FHIT: variants seen among roughly 807,000 people sequenced by gnomAD.
FHIT encodes the protein bis(5'-adenosyl)-triphosphatase.
In FHIT, 19 loss-of-function variants were observed where a neutral mutation model predicts 17.9. The observed-to-expected ratio is 1.06, with a 90% CI of 0.74 to 1.56. The LOEUF is 1.56. Ranked by LOEUF, FHIT falls within the 40% of genes most tolerant of loss-of-function variation. The probability of loss-of-function intolerance (pLI) is 0.00; values close to 1 mark genes in which losing one functional copy is unlikely to be tolerated. For missense variants in FHIT, 248 were observed against 189.2 expected (o/e 1.31, Z -1.82); for synonymous variants, 81 against 69.7 (o/e 1.16, Z -0.81).
chr3:60,744,258 C>CAAAAAAAAAAAAAAAAAAAAAAAAA (rs371224955), intron 4 of FHIT, among the ~76,000 whole-genome samples: 3 of 95,636 alleles, frequency 3.1e-5, no homozygotes, highest in South Asian at 3.5e-4. Context: ...AAAAAAAAAA[C>CAAAAAAAAAAAAAAAAAAAAAAAAA]AAAACAAAAC....
chr3:60,617,392 CT>C, intron 4 of FHIT: 2 of 197,102 alleles, frequency 1.0e-5, no homozygotes, highest in Admixed American at 4.5e-5. Flanking sequence ...TCCCTTGTAC[CT>C]TTTCCAATAG....
intron 5 of FHIT, among the ~76,000 whole-genome samples, chr3:60,437,555 ACATG>A (rs1014078205): frequency 6.6e-6 from 1 of 152,124 alleles, no homozygotes; most frequent in Non-Finnish European, 1.5e-5. Flanking sequence ...CTCAGAGATT[ACATG>A]CATCATCTCA....
intron 5 of FHIT, among the ~76,000 whole-genome samples, chr3:60,061,796 TATGAA>T (rs1702304738): frequency 6.6e-6 from 1 of 152,126 alleles, no homozygotes; most frequent in Admixed American, 6.6e-5. Flanking sequence ...GAATAGATCA[TATGAA>T]AGGAAAGCAG....
intron 8 of FHIT, among the ~76,000 whole-genome samples, chr3:59,886,760 T>C (rs1376975566): frequency 1.3e-5 from 2 of 152,160 alleles, no homozygotes; most frequent in Non-Finnish European, 2.9e-5. Flanking sequence ...AATTTCAACA[T>C]GAGGTTAGGA....
intron 5 of FHIT, among the ~76,000 whole-genome samples, chr3:60,434,553 C>T (rs1046355032): frequency 3.3e-5 from 5 of 152,072 alleles, no homozygotes; most frequent in Non-Finnish European, 5.9e-5. Flanking sequence ...AGTAATGTCA[C>T]ATTTCCTTGC....
At chr3:60,839,554 T>C (rs992516626) in intron 3 of FHIT, among the ~76,000 whole-genome samples, 27 of 152,206 alleles carry the variant, frequency 1.8e-4, no homozygotes, top group African/African-American at 6.0e-4. Flanking sequence ...TTTTGCATTA[T>C]TTACTAAATG....
intron 5 of FHIT, among the ~76,000 whole-genome samples, chr3:60,144,442 C>G (rs891878029): frequency 3.3e-5 from 5 of 152,140 alleles, no homozygotes; most frequent in Non-Finnish European, 7.4e-5. Context: ...TATTCTGGAG[C>G]TTGGAGAGAC....
intron 4 of FHIT, among the ~76,000 whole-genome samples, chr3:60,760,233 G>T (rs1313669360): frequency 2.0e-5 from 3 of 152,152 alleles, no homozygotes; most frequent in Admixed American, 6.5e-5. Context: ...AAGTGTTTTT[G>T]TAGGCATGTG....
chr3:60,214,060 T>C (rs1703582265), intron 5 of FHIT, among the ~76,000 whole-genome samples: 1 of 152,132 alleles, frequency 6.6e-6, no homozygotes, highest in South Asian at 2.1e-4. Flanking sequence ...AGGGTGGTCG[T>C]GACTAGCGCA....
At chr3:60,093,363 G>C (rs983978431) in intron 5 of FHIT, among the ~76,000 whole-genome samples, 1 of 152,072 alleles carries the variant, frequency 6.6e-6, no homozygotes, top group South Asian at 2.1e-4. Flanking sequence ...ACTCTGACCT[G>C]CTTTTCTGCC....
intron 4 of FHIT, among the ~76,000 whole-genome samples, chr3:60,775,548 T>C (rs1489586371): frequency 7.9e-5 from 12 of 152,190 alleles, no homozygotes; most frequent in Non-Finnish European, 2.9e-5. Context: ...CATCGGTCTG[T>C]GAACCTAAAT....
chr3:60,656,096 A>C (rs1433496665), intron 4 of FHIT, among the ~76,000 whole-genome samples: 1 of 152,174 alleles, frequency 6.6e-6, no homozygotes, highest in Non-Finnish European at 1.5e-5. Context: ...GCTTTTCTCA[A>C]GAAGCCATGT....
chr3:59,893,614 A>G (rs918732989), intron 8 of FHIT, among the ~76,000 whole-genome samples: 1 of 152,214 alleles, frequency 6.6e-6, no homozygotes, highest in African/African-American at 2.4e-5. Flanking sequence ...CTGCCTTTGT[A>G]AAAGGAAAAA....
intron 5 of FHIT, among the ~76,000 whole-genome samples, chr3:60,530,121 G>C (rs1039978123): frequency 2.0e-5 from 3 of 152,120 alleles, no homozygotes; most frequent in African/African-American, 7.2e-5. Context: ...GTAAAACATA[G>C]TATGGAAGAC....
At chr3:60,262,052 C>A (rs1321443330) in intron 5 of FHIT, among the ~76,000 whole-genome samples, 5 of 151,926 alleles carry the variant, frequency 3.3e-5, no homozygotes. Context: ...GTCTTTGGGT[C>A]TTCATTTTGG....
At position 60,282,434 on chromosome 3, in the gene FHIT, G is replaced by A. The variant is rs149641943; in HGVS notation, c.103+254426C>T. ...AATAAAGGGATTACTAGTTACCAGG[G>A]ATCCAATATAGTTTCTTAGGGCAAT... On this transcript the variant is annotated intron_variant, in intron 5 of 9. Coordinates refer to ENST00000492590, the MANE Select transcript of FHIT (RefSeq NM_002012.4). 1.1e-3 allele frequency among the ~76,000 whole-genome samples: 161 copies of A among 152,216 alleles called. 2 individuals carry two copies. Among genetic ancestry groups the A allele is most frequent in the Admixed American group, 3.7e-3 (57 of 15,292 alleles).
At chr3:59,890,577 G>A (rs145681587) in intron 8 of FHIT, among the ~76,000 whole-genome samples, 224 of 152,188 alleles carry the variant, frequency 1.5e-3, no homozygotes, top group Admixed American at 3.7e-3. Flanking sequence ...ATGGGAACCC[G>A]CTTAACTATT....
intron 3 of FHIT, among the ~76,000 whole-genome samples, chr3:61,017,949 C>T (rs181275272): frequency 5.9e-5 from 9 of 152,158 alleles, no homozygotes; most frequent in Middle Eastern, 3.4e-3. Flanking sequence ...AAAGAAGATA[C>T]GAGAGGAGTC....
chr3:60,382,824 G>C (rs1700862345), intron 5 of FHIT, among the ~76,000 whole-genome samples: 1 of 152,142 alleles, frequency 6.6e-6, no homozygotes, highest in Non-Finnish European at 1.5e-5. Flanking sequence ...GACAAGCACA[G>C]CATGCATTTG....
Sources: allele counts gnomAD v4.1 joint callset (sites outside exome capture counted in the v4.1 genomes callset), GRCh38; gene constraint gnomAD v4.1.1; transcripts MANE v1.5; gene names NCBI Gene and HGNC (gene_info 2026-07-23, HGNC 2026-07-21).